Variants in ART3 observed in about 807,000 individuals in gnomAD.
ART3 encodes the protein ADP-ribosyltransferase 3 (inactive), also known as ecto-ADP-ribosyltransferase 3.
In ART3, 49 loss-of-function variants were observed where a neutral mutation model predicts 48.5. The ratio of observed to expected loss-of-function variants is 1.01; its 90% confidence interval spans 0.80 to 1.28. The LOEUF (loss-of-function observed/expected upper bound fraction) is 1.28, where lower values mean the gene tolerates loss of function less well. ART3 is among the 50% of genes most tolerant of loss of function. ART3 has a pLI of 0.00. For synonymous variants in ART3, 145 were observed against 157.2 expected, an observed-to-expected ratio of 0.92 and a Z score of 0.58; for missense variants, 438 against 454.3, an observed-to-expected ratio of 0.96 and a Z score of 0.33.
chr4:76,097,749 C>A, intron 4 of ART3, 73 bp downstream of exon 4: 1 of 1,213,044 alleles, frequency 8.2e-7, no homozygotes, highest in Non-Finnish European at 1.2e-6. Flanking sequence ...TGGGTCAGAG[C>A]TACCCCACCA....
intron 1 of ART3, chr4:76,036,778 A>G (rs1240800051): frequency 1.2e-5 from 3 of 251,346 alleles, no homozygotes; most frequent in Non-Finnish European, 2.6e-5. Context: ...TGCTTTCCTC[A>G]TGGCAGCCAG....
intron 1 of ART3, among the ~76,000 whole-genome samples, chr4:76,025,386 G>A (rs1166045693): frequency 6.6e-6 from 1 of 152,180 alleles, no homozygotes; most frequent in African/African-American, 2.4e-5. Flanking sequence ...CAGCTAAAAT[G>A]TCTCTATATA....
intron 2 of ART3, among the ~76,000 whole-genome samples, chr4:76,076,940 T>A (rs970549251): frequency 2.0e-5 from 3 of 148,778 alleles, no homozygotes; most frequent in Non-Finnish European, 3.0e-5. Flanking sequence ...TAAACTGTTA[T>A]CCTTTTTTGA....
At chr4:76,071,204 G>A (rs1488052028), upstream of ART3, among the ~76,000 whole-genome samples, 2 of 151,908 alleles carry the variant, frequency 1.3e-5, no homozygotes, top group African/African-American at 2.4e-5. Flanking sequence ...ACAAAAATTA[G>A]CCAGGCTTGG....
At chr4:76,030,738 G>T (rs1315616724) in intron 1 of ART3, among the ~76,000 whole-genome samples, 1 of 152,092 alleles carries the variant, frequency 6.6e-6, no homozygotes, top group Non-Finnish European at 1.5e-5. Flanking sequence ...TACAATATGT[G>T]GTCCCTTGTG....
intron 1 of ART3, chr4:76,022,491 T>C (rs1181763842): frequency 2.5e-6 from 4 of 1,587,950 alleles, no homozygotes; most frequent in Non-Finnish European, 1.7e-6. Flanking sequence ...TATTTAAAAC[T>C]GTGTTGGGTC....
chr4:76,017,104 T>C (rs1732337208), intron 1 of ART3, among the ~76,000 whole-genome samples: 1 of 151,818 alleles, frequency 6.6e-6, no homozygotes, highest in African/African-American at 2.4e-5. Context: ...CAAGAAAAAG[T>C]CTCCTTTACT....
intron 2 of ART3, among the ~76,000 whole-genome samples, chr4:76,078,503 C>T (rs1721634584): frequency 6.6e-6 from 1 of 152,126 alleles, no homozygotes; most frequent in Admixed American, 6.6e-5. Flanking sequence ...ATTTGATCTC[C>T]TGAAGCTCAA....
chr4:76,053,395 CT>C (rs915842082), intron 1 of ART3, among the ~76,000 whole-genome samples: 3 of 138,096 alleles, frequency 2.2e-5, no homozygotes, highest in Non-Finnish European at 4.6e-5. Context: ...GTTTCTCTAC[CT>C]TTTTGGTAGA....
At chr4:76,044,454 G>A (rs1735297155) in intron 1 of ART3, among the ~76,000 whole-genome samples, 1 of 152,018 alleles carries the variant, frequency 6.6e-6, no homozygotes, top group African/African-American at 2.4e-5. Flanking sequence ...CTTGCAAACT[G>A]TCTGAGAGGC....
At chr4:76,048,033 G>T (rs1029658280) in intron 1 of ART3, among the ~76,000 whole-genome samples, 1 of 151,900 alleles carries the variant, frequency 6.6e-6, no homozygotes, top group Non-Finnish European at 1.5e-5. Flanking sequence ...ATAACCTATA[G>T]CCCAGGGGTT....
At chr4:76,076,003 C>CT (rs757214728) in intron 2 of ART3, 45 bp downstream of exon 2, 86 of 1,056,910 alleles carry the variant, frequency 8.1e-5, no homozygotes, top group South Asian at 2.3e-4. Flanking sequence ...AATGGAAATT[C>CT]GTTTTTTTTT....
chr4:76,019,357 C>T (rs1209237409), intron 1 of ART3, among the ~76,000 whole-genome samples: 7 of 149,898 alleles, frequency 4.7e-5, no homozygotes, highest in East Asian at 2.0e-4. Context: ...AAATAAACTA[C>T]GTATTTGCAA....
At chr4:76,013,659 G>A (rs1732008082) in intron 1 of ART3, among the ~76,000 whole-genome samples, 1 of 152,006 alleles carries the variant, frequency 6.6e-6, no homozygotes, top group Admixed American at 6.6e-5. Flanking sequence ...ACTCTCTTGG[G>A]GTATTTCCCA....
intron 5 of ART3, 46 bp downstream of exon 5, chr4:76,099,033 G>A: frequency 1.9e-6 from 3 of 1,551,616 alleles, no homozygotes; most frequent in Non-Finnish European, 2.7e-6. Context: ...TGGGCATGGT[G>A]GCTCACGCCT....
chr4:76,094,030 A>G (rs1725487475), intron 3 of ART3, among the ~76,000 whole-genome samples: 1 of 152,220 alleles, frequency 6.6e-6, no homozygotes, highest in East Asian at 1.9e-4. Context: ...TAATGTCCTT[A>G]TAAGAAGAGG....
At chr4:76,035,333 A>G (rs1433707872) in intron 1 of ART3, 5 of 1,613,818 alleles carry the variant, frequency 3.1e-6, no homozygotes, top group East Asian at 2.2e-5. Context: ...TCTTTTGAAC[A>G]TGGGGAAGCC....
chr4:76,022,578 T>G (rs1732957717), intron 1 of ART3: 1 of 1,475,092 alleles, frequency 6.8e-7, no homozygotes, highest in Non-Finnish European at 9.3e-7. Flanking sequence ...TGCTGTACAT[T>G]AGTTTTAGAA....
At chr4:76,103,119 C>A (rs1018395752) in intron 8 of ART3, among the ~76,000 whole-genome samples, 1 of 152,068 alleles carries the variant, frequency 6.6e-6, no homozygotes. Flanking sequence ...TTATTCTCGT[C>A]CTTAGGAATA....
Sources: gnomAD v4.1 joint callset for allele counts (sites outside exome capture counted in the v4.1 genomes callset) on GRCh38, gnomAD v4.1.1 for gene constraint, MANE v1.5 for transcripts, NCBI Gene and HGNC (gene_info 2026-07-23, HGNC 2026-07-21) for gene names.